Variants in WDFY3 observed in about 807,000 individuals in gnomAD.
WDFY3 encodes the protein WD repeat and FYVE domain containing 3.
A neutral mutation model predicts 409.6 loss-of-function variants in WDFY3; 66 were observed. That is an observed-to-expected ratio of 0.16 (90% CI 0.13 to 0.20). WDFY3 has a LOEUF of 0.20. Among genes scored for constraint, WDFY3 ranks in the 10% least tolerant of loss-of-function variants. The pLI is 1.00. For synonymous variants in WDFY3, 1,521 were observed against 1,537.1 expected (o/e 0.99, Z 0.25); for missense variants, 3,031 against 4,298.1 (o/e 0.71, Z 8.24).
intron 16 of WDFY3, 179 bp downstream of exon 16, chr4:84,803,111 A>T: frequency 1.7e-6 from 1 of 603,992 alleles, no homozygotes; most frequent in Non-Finnish European, 2.6e-6. Flanking sequence ...TAAAACATAC[A>T]TATCTACCAT....
intron 4 of WDFY3, among the ~76,000 whole-genome samples, chr4:84,850,693 T>C (rs1336712416): frequency 1.3e-5 from 2 of 152,048 alleles, no homozygotes; most frequent in Non-Finnish European, 2.9e-5. Context: ...ACAGGCACAC[T>C]GGATGGTGAA....
At chr4:84,762,063 C>G (rs1450086901) in intron 32 of WDFY3, among the ~76,000 whole-genome samples, 1 of 152,130 alleles carries the variant, frequency 6.6e-6, no homozygotes, top group Non-Finnish European at 1.5e-5. Flanking sequence ...GGTGATTCCT[C>G]AGGGATCTAG....
intron 51 of WDFY3, among the ~76,000 whole-genome samples, chr4:84,712,156 T>A (rs1258042697): frequency 1.3e-5 from 2 of 151,432 alleles, no homozygotes; most frequent in Non-Finnish European, 2.9e-5. Flanking sequence ...AAACCCCTTC[T>A]CTACTAAAAA....
intron 55 of WDFY3, among the ~76,000 whole-genome samples, chr4:84,703,362 T>C (rs1731381959): frequency 6.6e-6 from 1 of 152,182 alleles, no homozygotes; most frequent in Non-Finnish European, 1.5e-5. Flanking sequence ...AGGTACACTA[T>C]CCATCTTCTT....
At chr4:84,850,358 G>T (rs577199468) in intron 4 of WDFY3, among the ~76,000 whole-genome samples, 3 of 151,894 alleles carry the variant, frequency 2.0e-5, no homozygotes, top group Non-Finnish European at 4.4e-5. Flanking sequence ...TCACTCTGTC[G>T]CCTAGGCTGG....
chr4:84,913,476 G>A (rs139200464), intron 2 of WDFY3, among the ~76,000 whole-genome samples: 1 of 152,292 alleles, frequency 6.6e-6, no homozygotes, highest in African/African-American at 2.4e-5. Flanking sequence ...TCAAAATATG[G>A]ATCTTGGAGA....
At chr4:84,791,236 T>A (rs1346575721) in intron 21 of WDFY3, among the ~76,000 whole-genome samples, 1 of 152,102 alleles carries the variant, frequency 6.6e-6, no homozygotes, top group African/African-American at 2.4e-5. Flanking sequence ...AGAAGAAAAT[T>A]TTGCAATATC....
intron 19 of WDFY3, 71 bp downstream of exon 19, chr4:84,796,450 C>T (rs1436542493): frequency 1.1e-5 from 11 of 957,418 alleles, no homozygotes; most frequent in Non-Finnish European, 1.6e-5. Flanking sequence ...TATTTAAAAC[C>T]AAAGATCTAT....
At chr4:84,764,713 CAAAAAATT>C (rs1743312747) in intron 32 of WDFY3, among the ~76,000 whole-genome samples, 1 of 150,380 alleles carries the variant, frequency 6.6e-6, no homozygotes. Flanking sequence ...AAAAAAAATA[CAAAAAATT>C]AGCCGGGCGT....
Position 84,798,030 on chromosome 4 carries a change from T to C in WDFY3, c.2901A>G (p.Lys967=). 1 of 1,613,256 alleles carries C rather than the reference T, an allele frequency of 6.2e-7. No homozygotes were observed. The highest frequency in any genetic ancestry group is 8.5e-7 in the Non-Finnish European group (1 of 1,179,654). ...KKLLKQYRVH[K]PSSLSYEPEM... is the part of the protein sequence containing the mutation. ...CTGGTTCATAACTCAGTGAACTTGG[T>C]TTGTGGACCCTATATTGTTTTAGCA... Residue 967 remains lysine (K), a synonymous_variant, in exon 18 of 68, where the codon AAA becomes AAG. Transcript: ENST00000295888.
intron 11 of WDFY3, 92 bp from the exon 12 acceptor site, chr4:84,820,278 G>T: frequency 2.8e-6 from 3 of 1,083,678 alleles, no homozygotes; most frequent in Non-Finnish European, 4.0e-6. Context: ...TATTTCTTCA[G>T]TATTCAGTTT....
intron 2 of WDFY3, among the ~76,000 whole-genome samples, chr4:84,903,335 G>T (rs1053203486): frequency 2.0e-5 from 3 of 152,034 alleles, no homozygotes. Flanking sequence ...AACAAAAAGG[G>T]AGTTTGTTGC....
At chr4:84,932,841 T>C (rs938258417) in intron 1 of WDFY3, among the ~76,000 whole-genome samples, 1 of 152,220 alleles carries the variant, frequency 6.6e-6, no homozygotes, top group South Asian at 2.1e-4. Context: ...ATTAAAATTT[T>C]AAAAATTGCT....
intron 36 of WDFY3, among the ~76,000 whole-genome samples, chr4:84,750,135 T>A (rs1285852410): frequency 6.6e-6 from 1 of 152,170 alleles, no homozygotes; most frequent in African/African-American, 2.4e-5. Flanking sequence ...TCCAATAAAC[T>A]ATTTCACTTT....
At chr4:84,783,862 T>TACACACACACAC (rs137878462) in intron 24 of WDFY3, among the ~76,000 whole-genome samples, 183 of 140,936 alleles carry the variant, frequency 1.3e-3, no homozygotes, top group African/African-American at 4.3e-3. Context: ...GTGTCATACA[T>TACACACACACAC]ACACACACAC....
chr4:84,892,449 C>A (rs1765086181), intron 3 of WDFY3, among the ~76,000 whole-genome samples: 1 of 151,732 alleles, frequency 6.6e-6, no homozygotes, highest in Non-Finnish European at 1.5e-5. Context: ...AAAAAGTAAC[C>A]ATCATTTTGT....
intron 45 of WDFY3, 150 bp from the exon 46 acceptor site, chr4:84,724,744 G>A (rs1735391729): frequency 1.4e-6 from 1 of 739,880 alleles, no homozygotes; most frequent in Non-Finnish European, 1.9e-6. Flanking sequence ...CCACACTTTT[G>A]GGTTAAGTTT....
chr4:84,865,158 G>A (rs1382987552), intron 3 of WDFY3, among the ~76,000 whole-genome samples: 1 of 151,944 alleles, frequency 6.6e-6, no homozygotes, highest in Non-Finnish European at 1.5e-5. Context: ...CAAAGTGCTG[G>A]GATTACAGGT....
chr4:84,694,185 A>C (rs1244376600), intron 58 of WDFY3, among the ~76,000 whole-genome samples: 1 of 152,210 alleles, frequency 6.6e-6, no homozygotes, highest in African/African-American at 2.4e-5. Context: ...TACATAAAGG[A>C]CTATAAGATC....
Sources: gnomAD v4.1 joint callset for allele counts (sites outside exome capture counted in the v4.1 genomes callset) on GRCh38, gnomAD v4.1.1 for gene constraint, MANE v1.5 for transcripts, NCBI Gene and HGNC (gene_info 2026-07-23, HGNC 2026-07-21) for gene names.